Variants in DPY19L2 observed in about 807,000 individuals in gnomAD.
DPY19L2 encodes probable C-mannosyltransferase DPY19L2.
DPY19L2 carries 34 observed loss-of-function variants against 97.9 expected under a neutral mutation model. The ratio of observed to expected loss-of-function variants is 0.35; its 90% CI spans 0.26 to 0.46. DPY19L2 has a LOEUF of 0.46. Among genes scored for constraint, DPY19L2 ranks in the 20% least tolerant of loss-of-function variants. The pLI, the probability that DPY19L2 is intolerant of heterozygous loss-of-function variation, is 1.00. For synonymous variants in DPY19L2, 230 were observed against 307.9 expected, an observed-to-expected ratio of 0.75 and a Z score of 2.65; for missense variants, 623 against 911.4, an observed-to-expected ratio of 0.68 and a Z score of 4.07.
rs575407358 is a variant in DPY19L2 at position 63,622,566 on chromosome 12, G to A, written c.954-1229C>T. Among the ~76,000 whole-genome samples, 11 of 152,238 alleles carry A rather than the reference G, an allele frequency of 7.2e-5. No homozygotes were observed. In the South Asian group the frequency reaches 1.9e-3, roughly 26 times the overall value. On this transcript the variant is annotated intron_variant, in intron 8 of 21. Coordinates refer to ENST00000324472, the MANE Select transcript of DPY19L2 (RefSeq NM_173812.5). ...GAGTGCCACAAATATTTGCATGGAC[G>A]TGTGCAGTGTTCTGTGGTTAAAGAG...
chr12:63,637,375 A>C (rs1164197643), intron 6 of DPY19L2, among the ~76,000 whole-genome samples: 1 of 152,138 alleles, frequency 6.6e-6, no homozygotes, highest in African/African-American at 2.4e-5. Context: ...AATTAAAAGA[A>C]GGAGATAGAG....
At chr12:63,597,031 G>T (rs2137533024) in intron 14 of DPY19L2, among the ~76,000 whole-genome samples, 1 of 151,840 alleles carries the variant, frequency 6.6e-6, no homozygotes, top group South Asian at 2.1e-4. Context: ...GGAGTGCATT[G>T]GTGCGATCTC....
intron 18 of DPY19L2, among the ~76,000 whole-genome samples, chr12:63,581,800 T>C (rs1283829737): frequency 7.2e-6 from 1 of 139,062 alleles, no homozygotes; most frequent in Non-Finnish European, 1.5e-5. Flanking sequence ...AACTCTTTTT[T>C]TTCTCTTTTT....
At chr12:63,614,489 G>A (rs1478894108) in intron 11 of DPY19L2, among the ~76,000 whole-genome samples, 1 of 151,998 alleles carries the variant, frequency 6.6e-6, no homozygotes, top group Admixed American at 6.6e-5. Flanking sequence ...TACAGAATTA[G>A]TAAAAAAAAT....
intron 4 of DPY19L2, among the ~76,000 whole-genome samples, chr12:63,653,567 A>T (rs1400786922): frequency 6.6e-6 from 1 of 152,166 alleles, no homozygotes; most frequent in Non-Finnish European, 1.5e-5. Flanking sequence ...AAATACATAC[A>T]TAAATAAATA....
At chr12:63,667,246 C>A (rs1896438384) in intron 1 of DPY19L2, among the ~76,000 whole-genome samples, 1 of 152,056 alleles carries the variant, frequency 6.6e-6, no homozygotes, top group South Asian at 2.1e-4. Context: ...ATATTTGTAT[C>A]CTATTTCTAA....
intron 2 of DPY19L2, 37 bp downstream of exon 2, chr12:63,665,798 A>G (rs768659908): frequency 4.0e-6 from 6 of 1,517,898 alleles, no homozygotes; most frequent in Non-Finnish European, 4.5e-6. Flanking sequence ...TTTAATTCAA[A>G]TGTTTTTAAA....
intron 4 of DPY19L2, among the ~76,000 whole-genome samples, chr12:63,653,621 GCA>G (rs1474640561): frequency 1.3e-5 from 2 of 151,934 alleles, no homozygotes; most frequent in African/African-American, 4.8e-5. Context: ...CCCATATATG[GCA>G]AAAGTTATAA....
intron 11 of DPY19L2, among the ~76,000 whole-genome samples, chr12:63,614,890 T>C (rs1352419009): frequency 6.6e-6 from 1 of 152,078 alleles, no homozygotes; most frequent in African/African-American, 2.4e-5. Context: ...ATGAGCATCC[T>C]TGGGTCCCAG....
chr12:63,629,623 C>G (rs1170525191), intron 6 of DPY19L2, among the ~76,000 whole-genome samples: 1 of 152,120 alleles, frequency 6.6e-6, no homozygotes, highest in Non-Finnish European at 1.5e-5. Context: ...GAGAATGGAA[C>G]CAAGTTGGAA....
At chr12:63,588,793 G>A (rs1222151057) in intron 16 of DPY19L2, among the ~76,000 whole-genome samples, 4 of 132,548 alleles carry the variant, frequency 3.0e-5, no homozygotes, top group Admixed American at 9.0e-5. Flanking sequence ...TCACTCTGTC[G>A]CCCAGGCTGG....
chr12:63,656,527 ATTTG>A (rs948473847), intron 4 of DPY19L2, among the ~76,000 whole-genome samples: 1 of 152,074 alleles, frequency 6.6e-6, no homozygotes, highest in Non-Finnish European at 1.5e-5. Context: ...TCATTCATGC[ATTTG>A]TTTGATATTT....
chr12:63,572,618 TA>T (rs1298242767), intron 19 of DPY19L2, among the ~76,000 whole-genome samples: 1 of 151,986 alleles, frequency 6.6e-6, no homozygotes, highest in African/African-American at 2.4e-5. Flanking sequence ...GAGCTTTGGG[TA>T]AGACCCAGTG....
intron 2 of DPY19L2, 132 bp downstream of exon 2, chr12:63,665,703 C>G: frequency 1.4e-6 from 1 of 731,746 alleles, no homozygotes; most frequent in Non-Finnish European, 2.2e-6. Flanking sequence ...AAGCAAAATA[C>G]ATGTATAAAT....
intron 16 of DPY19L2, among the ~76,000 whole-genome samples, chr12:63,592,989 A>T (rs1392659479): frequency 6.6e-6 from 1 of 151,576 alleles, no homozygotes; most frequent in Non-Finnish European, 1.5e-5. Context: ...GGACATGAAC[A>T]GACACTTCTC....
At chr12:63,578,894 G>A (rs1159191100) in intron 19 of DPY19L2, among the ~76,000 whole-genome samples, 2 of 151,980 alleles carry the variant, frequency 1.3e-5, no homozygotes, top group African/African-American at 2.4e-5. Flanking sequence ...TTGGCATCTT[G>A]TAGATAGAGG....
At chr12:63,607,049 A>C (rs1283486052) in intron 12 of DPY19L2, among the ~76,000 whole-genome samples, 1 of 152,166 alleles carries the variant, frequency 6.6e-6, no homozygotes. Flanking sequence ...AGGCTTAAAA[A>C]ACATGTAAGC....
At chr12:63,580,873 A>G in intron 18 of DPY19L2, 37 bp from the exon 19 acceptor site, 1 of 1,599,786 alleles carries the variant, frequency 6.3e-7, no homozygotes, top group Non-Finnish European at 8.5e-7. Flanking sequence ...TAGTTCTTAT[A>G]TGAAGAGTAC....
At position 63,595,935 on chromosome 12, in the gene DPY19L2, C is replaced by T. The variant is rs778262612; in HGVS notation, c.1533+31G>A. On this transcript the variant is annotated intron_variant, in intron 15 of 21. Coordinates refer to ENST00000324472, the MANE Select transcript of DPY19L2 (RefSeq NM_173812.5). ...ATTCTTATAGTCCTTATATTGATGC[C>T]AAAAACAAATAATAATTTGTTTAAA... 13 of 1,523,858 alleles carry T rather than the reference C, an allele frequency of 8.5e-6. No individual in the cohort carries two copies. The South Asian group carries it at 1.2e-4, about 14-fold the overall frequency. 94.4% of individuals were successfully genotyped at this position (1,523,858 alleles called of 1,614,324 possible). A position where few individuals can be genotyped will look rare whatever the true frequency, so the allele number is the denominator to read the frequency against.
Sources: allele counts gnomAD v4.1 joint callset (sites outside exome capture counted in the v4.1 genomes callset), GRCh38; gene constraint gnomAD v4.1.1; transcripts MANE v1.5; gene names NCBI Gene and HGNC (gene_info 2026-07-23, HGNC 2026-07-21).